The following ADAM11 variants were observed in gnomAD, a reference collection of about 807,000 sequenced individuals.
ADAM11 encodes the protein disintegrin and metalloproteinase domain-containing protein 11.
Under a neutral mutation model 119.1 loss-of-function variants are expected in ADAM11, and 49 were observed. The ratio of observed to expected loss-of-function variants is 0.41; its 90% CI spans 0.33 to 0.52. ADAM11 has a LOEUF of 0.52. ADAM11 is among the 20% of genes least tolerant of loss of function. ADAM11 has a pLI of 0.20. For missense variants in ADAM11, 777 were observed against 1,047.5 expected (o/e 0.74, Z 3.56); for synonymous variants, 364 against 408.0 (o/e 0.89, Z 1.30).
At chr17:44,759,449 C>T in intron 1 of ADAM11, 189 bp downstream of exon 1, 1 of 1,247,666 alleles carries the variant, frequency 8.0e-7, no homozygotes, top group Non-Finnish European at 1.0e-6. Context: ...CCGGGCCCAC[C>T]GCGTCCCTGC....
intron 2 of ADAM11, among the ~76,000 whole-genome samples, chr17:44,767,899 C>G (rs1020176488): frequency 1.1e-4 from 16 of 152,318 alleles, no homozygotes; most frequent in South Asian, 1.0e-3. Flanking sequence ...CGCAGACCTC[C>G]TGAGTGAGGG....
intron 25 of ADAM11, 43 bp from the exon 26 acceptor site, chr17:44,779,179 A>G: frequency 1.3e-6 from 2 of 1,579,726 alleles, no homozygotes; most frequent in Non-Finnish European, 1.7e-6. Context: ...AAAAGGTCAG[A>G]TGTCTCCTTT....
Position 44,779,816 on chromosome 17 carries a change from C to A in ADAM11, c.*62C>A. On this transcript the variant is annotated 3_prime_UTR_variant, in exon 27 of 27. Transcript: ENST00000200557. ...TCTCGGCCCTGAACCACGAGGCTGC[C>A]CCCATCCAGCCACGGAGGGAGGCAC... 1 of 1,592,034 alleles carries A rather than the reference C, an allele frequency of 6.3e-7. No individual in the cohort carries two copies. The highest frequency in any genetic ancestry group is 8.6e-7 in the Non-Finnish European group (1 of 1,161,140).
Position 44,772,298 on chromosome 17 carries a change from CT to C in ADAM11, c.576del (p.Leu193SerfsTer29). 1 of 1,607,928 alleles carries C rather than the reference CT, an allele frequency of 6.2e-7. No individual in the cohort carries two copies. Reference sequence around the variant, plus strand: ...CTTCCCCACCTCATTTACCGGACCCCTCTCCTCCCAGATCCCCTCGGATGCA... The same window carrying C: ...CTTCCCCACCTCATTTACCGGACCCCCTCCTCCCAGATCCCCTCGGATGCA... ...GPLPHLIYRT[P>X]LLPDPLGCRE... is the part of the protein sequence containing the mutation. On this transcript the variant is annotated frameshift_variant, in exon 7 of 27. Transcript: ENST00000200557. LOFTEE classifies it high-confidence loss of function. This position sits in a 1 kb window ranked among gnomAD's most constrained non-coding sequence, Gnocchi z 4.5.
Position 44,775,879 on chromosome 17 carries a change from G to T in ADAM11, c.1485+203G>T, listed in dbSNP as rs2049594201. 6.6e-6 allele frequency among the ~76,000 whole-genome samples: 1 copy of T among 152,026 alleles called. No homozygotes were observed. The highest frequency in any genetic ancestry group is 6.6e-5 in the Admixed American group (1 of 15,262). ...AAGGCGGGGCTACGAGGAGCGGGAA[G>T]GGAAGGCTGCCCAGAATCAAGGAGG... On this transcript the variant is annotated intron_variant, in intron 17 of 26. Coordinates refer to ENST00000200557, the MANE Select transcript of ADAM11 (RefSeq NM_002390.6). The surrounding 1 kb of genome is among the most constrained non-coding windows in gnomAD (Gnocchi z 7.5).
intron 24 of ADAM11, 42 bp from the exon 25 acceptor site, chr17:44,778,110 C>G: frequency 1.2e-6 from 2 of 1,612,102 alleles, no homozygotes; most frequent in Non-Finnish European, 1.7e-6. Flanking sequence ...GTCCTGCTCT[C>G]TATGCCTGTC....
Position 44,776,701 on chromosome 17 carries a change from C to T in ADAM11, c.1567-44C>T. ...TCCTCCCTGGGGCAGCCCTCAGCTC[C>T]AGTCCTGGGACTGCTCCGCTCAACC... On this transcript the variant is annotated intron_variant, in intron 18 of 26. Transcript: ENST00000200557. The surrounding 1 kb of genome is among the most constrained non-coding windows in gnomAD (Gnocchi z 5.2). 6.2e-7 allele frequency: 1 copy of T among 1,609,314 alleles called. No homozygotes were observed. Among genetic ancestry groups the T allele is most frequent in the Non-Finnish European group, 8.5e-7 (1 of 1,177,148 alleles).
Position 44,774,597 on chromosome 17 carries a change from A to G in ADAM11, c.1168+15A>G, listed in dbSNP as rs1324287939. The G allele has an allele frequency of 6.2e-7, 1 of 1,610,664 alleles. No individual in the cohort carries two copies. The highest frequency in any genetic ancestry group is 8.5e-7 in the Non-Finnish European group (1 of 1,178,328). On this transcript the variant is annotated intron_variant, in intron 13 of 26. Coordinates refer to ENST00000200557, the MANE Select transcript of ADAM11 (RefSeq NM_002390.6). ...GAGCTCGGCAGGTATCCTCCCCCAGAGGCCCCCGTGTGGCCCACGCCCAGC... is the reference window on the plus strand; with the variant it reads ...GAGCTCGGCAGGTATCCTCCCCCAGGGGCCCCCGTGTGGCCCACGCCCAGC...
In ADAM11 at chr17:44,775,124, C is replaced by A; in HGVS notation, c.1221-88C>A. ...CGCCTCCTCGCGATGGTGACGAAGT[C>A]CCCCAGTGTACCCCCTCCCCAGCCT... is the stretch of plus-strand genomic sequence containing the variant. On this transcript the variant is annotated intron_variant, in intron 14 of 26. Transcript: ENST00000200557. The surrounding 1 kb of genome is among the most constrained non-coding windows in gnomAD (Gnocchi z 7.5). The A allele has an allele frequency of 1.8e-6, 2 of 1,129,242 alleles. No homozygotes were observed. Among genetic ancestry groups the A allele is most frequent in the South Asian group, 1.3e-5 (1 of 74,782 alleles). 70.0% of individuals were successfully genotyped at this position (1,129,242 alleles called of 1,614,324 possible).
Position 44,775,998 on chromosome 17 carries a change from C to A in ADAM11, c.1486-129C>A. 1 of 1,081,982 alleles carries A rather than the reference C, an allele frequency of 9.2e-7. No individual in the cohort carries two copies. Among genetic ancestry groups the A allele is most frequent in the Non-Finnish European group, 1.4e-6 (1 of 729,186 alleles). The allele number at this position is 1,081,982 out of a possible 1,614,324, so 67.0% of individuals were successfully genotyped here. On this transcript the variant is annotated intron_variant, in intron 17 of 26. Transcript: ENST00000200557. The surrounding 1 kb of genome is among the most constrained non-coding windows in gnomAD (Gnocchi z 7.5). ...GGTGGTGGGAGCAGGGAAATAAGAA[C>A]AGGCCTGAAACGGGGCCCTGGGGAG...
chr17:44,770,488 T>TAA lies in ADAM11; in HGVS notation c.381+440_381+441insAA, dbSNP rs2049508244. Among the ~76,000 whole-genome samples, 4 of 60,248 alleles carry TAA rather than the reference T, an allele frequency of 6.6e-5. 1 individual carries two copies. The highest frequency in any genetic ancestry group is 1.1e-4 in the African/African-American group (2 of 18,788). 39.5% of individuals were successfully genotyped at this position (60,248 alleles called of 152,430 possible). On this transcript the variant is annotated intron_variant, in intron 4 of 26. Transcript: ENST00000200557. Reference sequence around the variant, plus strand: ...AATGAGTGTCTATAAATAGCCTGTCTCCCCCCCCCCCGCCCCCACTGCCTG... The same window carrying TAA: ...AATGAGTGTCTATAAATAGCCTGTCTAACCCCCCCCCCCGCCCCCACTGCCTG...
At chr17:44,778,720 AAGAG>A (rs2049643975) in intron 25 of ADAM11, among the ~76,000 whole-genome samples, 1 of 147,030 alleles carries the variant, frequency 6.8e-6, no homozygotes, top group Non-Finnish European at 1.5e-5. Context: ...AAAAGAAAGA[AAGAG>A]AGAAAGAAAA....
Position 44,779,818 on chromosome 17 carries a change from C to T in ADAM11, c.*64C>T. 6.3e-7 allele frequency: 1 copy of T among 1,591,906 alleles called. No homozygotes were observed. The highest frequency in any genetic ancestry group is 8.6e-7 in the Non-Finnish European group (1 of 1,161,104). ...TCGGCCCTGAACCACGAGGCTGCCC[C>T]CATCCAGCCACGGAGGGAGGCACCA... On this transcript the variant is annotated 3_prime_UTR_variant, in exon 27 of 27. Transcript: ENST00000200557.
Position 44,776,011 on chromosome 17 carries a change from G to A in ADAM11, c.1486-116G>A. On this transcript the variant is annotated intron_variant, in intron 17 of 26. Coordinates refer to ENST00000200557, the MANE Select transcript of ADAM11 (RefSeq NM_002390.6). This position sits in a 1 kb window ranked among gnomAD's most constrained non-coding sequence, Gnocchi z 5.2. ...GGGAAATAAGAACAGGCCTGAAACG[G>A]GGCCCTGGGGAGCTGGAGGGCCCGG... 1 of 1,205,652 alleles carries A rather than the reference G, an allele frequency of 8.3e-7. No homozygotes were observed. The highest frequency in any genetic ancestry group is 1.2e-6 in the Non-Finnish European group (1 of 832,438). The allele number at this position is 1,205,652 out of a possible 1,614,324, so 74.7% of individuals were successfully genotyped here. A position where few individuals can be genotyped will look rare whatever the true frequency, so the allele number is the denominator to read the frequency against.
In ADAM11 at chr17:44,774,688, C is replaced by A. The variant is rs1279051354; in HGVS notation, c.1169-10C>A. The A allele has an allele frequency of 6.3e-7, 1 of 1,592,888 alleles. No individual in the cohort carries two copies. Among genetic ancestry groups the A allele is most frequent in the Non-Finnish European group, 8.6e-7 (1 of 1,168,974 alleles). On this transcript the variant is annotated splice_polypyrimidine_tract_variant and intron_variant, in intron 13 of 26. Transcript: ENST00000200557. Reference sequence around the variant, plus strand: ...TGGCCTCCCTCATATCCGCCTGGCTCACCCCTCAGGGGACTGCAAGTGTCC... The same window carrying A: ...TGGCCTCCCTCATATCCGCCTGGCTAACCCCTCAGGGGACTGCAAGTGTCC...
Position 44,773,576 on chromosome 17 carries a change from A to T in ADAM11, c.992+149A>T. The T allele has an allele frequency of 1.0e-6, 1 of 966,442 alleles. No individual in the cohort carries two copies. The highest frequency in any genetic ancestry group is 1.5e-6 in the Non-Finnish European group (1 of 668,162). 59.9% of individuals were successfully genotyped at this position (966,442 alleles called of 1,614,324 possible). ...CTGCCACCTACCCCCAGCCACATGC[A>T]ACAGCTGGGCATCATCCCCTGAATC... On this transcript the variant is annotated intron_variant, in intron 11 of 26. Transcript: ENST00000200557. This position sits in a 1 kb window ranked among gnomAD's most constrained non-coding sequence, Gnocchi z 4.6.
In ADAM11 at chr17:44,777,160, C is replaced by G; in HGVS notation, c.1682-6C>G. ...CGTGGGGTCACTTGGCATCCTCTCC[C>G]CACAGCGGCTGCTGATCGCTTCTGC... On this transcript the variant is annotated splice_polypyrimidine_tract_variant and splice_region_variant and intron_variant, in intron 20 of 26. Coordinates refer to ENST00000200557, the MANE Select transcript of ADAM11 (RefSeq NM_002390.6). This position sits in a 1 kb window ranked among gnomAD's most constrained non-coding sequence, Gnocchi z 5.1. The G allele has an allele frequency of 6.3e-7, 1 of 1,594,932 alleles. No individual in the cohort carries two copies. Among genetic ancestry groups the G allele is most frequent in the Middle Eastern group, 2.0e-4 (1 of 4,966 alleles).
In ADAM11 at chr17:44,779,243, C is replaced by T. The variant is rs767388299; in HGVS notation, c.2294+4C>T. ...GCAGAAACATTCGCCGAGGAAGGTACGACCCGACCCAGCAGGGGGCAGTGT... is the reference window on the plus strand; with the variant it reads ...GCAGAAACATTCGCCGAGGAAGGTATGACCCGACCCAGCAGGGGGCAGTGT... On this transcript the variant is annotated splice_donor_region_variant and intron_variant, in intron 26 of 26. Coordinates refer to ENST00000200557, the MANE Select transcript of ADAM11 (RefSeq NM_002390.6). 3.8e-6 allele frequency: 6 copies of T among 1,581,156 alleles called. No homozygotes were observed. Among genetic ancestry groups the T allele is most frequent in the South Asian group, 3.4e-5 (3 of 87,242 alleles).
At position 44,774,702 on chromosome 17, in the gene ADAM11, C is replaced by G; in HGVS notation, c.1173C>G (p.Asp391Glu). 1 of 1,589,608 alleles carries G rather than the reference C, an allele frequency of 6.3e-7. No homozygotes were observed. The highest frequency in any genetic ancestry group is 8.5e-7 in the Non-Finnish European group (1 of 1,170,858). ...TCCGCCTGGCTCACCCCTCAGGGGA[C>G]TGCAAGTGTCCAGACATCTGGCTGG... ...MWNKHRSSAG[D>E]CKCPDIWLGC... The change falls in exon 14 of 27, where the codon GAC becomes GAG. Residue 391 changes from aspartate to glutamate, a missense_variant. By Grantham distance (45) the Asp-to-Glu change is conservative. Transcript: ENST00000200557.
Sources: gnomAD v4.1 joint callset for allele counts (sites outside exome capture counted in the v4.1 genomes callset) on GRCh38, gnomAD v4.1.1 for gene constraint, Gnocchi (gnomAD v3.1) non-coding constraint, MANE v1.5 for transcripts, NCBI Gene and HGNC (gene_info 2026-07-23, HGNC 2026-07-21) for gene names.